The following SEMA6D variants were observed in gnomAD, a reference collection of about 807,000 sequenced individuals.
SEMA6D encodes the protein semaphorin-6D.
Under a neutral mutation model 106.6 loss-of-function variants are expected in SEMA6D, and 35 were observed. The observed-to-expected ratio is 0.33, with a 90% CI of 0.25 to 0.44. The LOEUF is 0.44. SEMA6D is among the 20% of genes least tolerant of loss of function. SEMA6D has a pLI of 1.00. For synonymous variants in SEMA6D, 499 were observed against 487.7 expected, an observed-to-expected ratio of 1.02 and a Z score of -0.31; for missense variants, 1,185 against 1,345.9, an observed-to-expected ratio of 0.88 and a Z score of 1.87.
In SEMA6D at chr15:47,217,817, TACAC is replaced by T. The variant is rs555283032; in HGVS notation, c.-239+33403_-239+33406del. Among the ~76,000 whole-genome samples, 25 of 150,136 alleles carry T rather than the reference TACAC, an allele frequency of 1.7e-4. No individual in the cohort carries two copies. In the South Asian group the frequency reaches 5.1e-3, roughly 30 times the overall value. ...ATGTGTATATGTTTGTATATACACA[TACAC>T]ACAAATACATGCATATACACACACC... On this transcript the variant is annotated intron_variant, in intron 1 of 19. Transcript: ENST00000558014.
intron 1 of SEMA6D, chr15:47,718,631 C>G (rs1376274369): frequency 2.0e-5 from 3 of 152,422 alleles, no homozygotes; most frequent in Admixed American, 6.5e-5. Flanking sequence ...AGCAACTTTC[C>G]GTGCTTTGTT....
chr15:47,315,514 T>G (rs2036632029), intron 1 of SEMA6D, among the ~76,000 whole-genome samples: 1 of 152,254 alleles, frequency 6.6e-6, no homozygotes, highest in African/African-American at 2.4e-5. Context: ...ACAGTAAGTC[T>G]AGAAGTTGGT....
intron 1 of SEMA6D, among the ~76,000 whole-genome samples, chr15:47,352,959 T>A (rs2038384821): frequency 6.6e-6 from 1 of 152,176 alleles, no homozygotes. Flanking sequence ...GACCTTAATA[T>A]CTAACATGTG....
At chr15:47,478,547 C>G (rs2043061574) in intron 3 of SEMA6D, among the ~76,000 whole-genome samples, 1 of 151,960 alleles carries the variant, frequency 6.6e-6, no homozygotes. Context: ...ATGAAGCAAC[C>G]CTGAAGTCTG....
At chr15:47,333,385 G>A (rs2144179154) in intron 1 of SEMA6D, among the ~76,000 whole-genome samples, 1 of 152,256 alleles carries the variant, frequency 6.6e-6, no homozygotes, top group Admixed American at 6.6e-5. Flanking sequence ...CATAAATGAT[G>A]TAAGTTGAGG....
chr15:47,745,245 T>C (rs987839930), intron 1 of SEMA6D, among the ~76,000 whole-genome samples: 1 of 152,200 alleles, frequency 6.6e-6, no homozygotes, highest in African/African-American at 2.4e-5. Flanking sequence ...TTATGGTGCT[T>C]ACCATGTGCC....
intron 1 of SEMA6D, among the ~76,000 whole-genome samples, chr15:47,377,241 G>A (rs1400229300): frequency 1.3e-5 from 2 of 152,166 alleles, no homozygotes; most frequent in Non-Finnish European, 2.9e-5. Flanking sequence ...TAATTTACAT[G>A]GTGATAATAA....
chr15:47,491,799 A>T (rs561442470), intron 3 of SEMA6D, among the ~76,000 whole-genome samples: 2 of 152,178 alleles, frequency 1.3e-5, no homozygotes, highest in African/African-American at 4.8e-5. Flanking sequence ...ATCTCATTCT[A>T]TGTAATTCAT....
intron 4 of SEMA6D, among the ~76,000 whole-genome samples, chr15:47,657,928 G>C (rs1239101387): frequency 6.6e-6 from 1 of 151,156 alleles, no homozygotes; most frequent in Non-Finnish European, 1.5e-5. Flanking sequence ...TTGTAGTAGA[G>C]ACGGGGTTTC....
intron 3 of SEMA6D, among the ~76,000 whole-genome samples, chr15:47,489,351 G>C (rs1415432136): frequency 6.6e-6 from 1 of 152,210 alleles, no homozygotes; most frequent in African/African-American, 2.4e-5. Context: ...AGGCCACCAA[G>C]TTTGTGGTGT....
chr15:47,492,820 G>A (rs1293142643), intron 3 of SEMA6D, among the ~76,000 whole-genome samples: 5 of 152,134 alleles, frequency 3.3e-5, no homozygotes, highest in Non-Finnish European at 7.4e-5. Context: ...TACAATGAAT[G>A]TTAGGAGAAA....
At chr15:47,643,014 C>T (rs1250642970) in intron 4 of SEMA6D, among the ~76,000 whole-genome samples, 1 of 151,256 alleles carries the variant, frequency 6.6e-6, no homozygotes, top group Non-Finnish European at 1.5e-5. Context: ...GAGAGAGAGA[C>T]AGAAATAGGA....
chr15:47,407,035 T>A (rs2040597664), intron 1 of SEMA6D, among the ~76,000 whole-genome samples: 1 of 152,090 alleles, frequency 6.6e-6, no homozygotes, highest in Non-Finnish European at 1.5e-5. Context: ...ATTCACTTTA[T>A]GTAGTTTTTG....
At chr15:47,381,659 G>A (rs1292781059) in intron 1 of SEMA6D, among the ~76,000 whole-genome samples, 1 of 152,162 alleles carries the variant, frequency 6.6e-6, no homozygotes, top group Non-Finnish European at 1.5e-5. Flanking sequence ...GCAGAGGAAA[G>A]ATGAGTAAAA....
chr15:47,587,871 T>C (rs1172093278), intron 3 of SEMA6D, among the ~76,000 whole-genome samples: 1 of 152,080 alleles, frequency 6.6e-6, no homozygotes, highest in Non-Finnish European at 1.5e-5. Context: ...TCCTCCCCTT[T>C]CTCCATTTGC....
chr15:47,565,385 G>T (rs1185850693), intron 3 of SEMA6D, among the ~76,000 whole-genome samples: 2 of 152,210 alleles, frequency 1.3e-5, no homozygotes, highest in Middle Eastern at 3.2e-3. Flanking sequence ...GGGGCCAGCT[G>T]GTTCCAGCAC....
chr15:47,585,221 C>G (rs1596367910), intron 3 of SEMA6D, among the ~76,000 whole-genome samples: 1 of 152,294 alleles, frequency 6.6e-6, no homozygotes, highest in East Asian at 1.9e-4. Context: ...TTAAGTGCAT[C>G]AAAATGGAAA....
At chr15:47,529,339 A>G (rs946775489) in intron 3 of SEMA6D, among the ~76,000 whole-genome samples, 1 of 152,062 alleles carries the variant, frequency 6.6e-6, no homozygotes, top group African/African-American at 2.4e-5. Context: ...AGGCAGGTAC[A>G]CTGGTATAAC....
intron 2 of SEMA6D, among the ~76,000 whole-genome samples, chr15:47,464,843 T>A (rs2042612437): frequency 6.6e-6 from 1 of 152,188 alleles, no homozygotes; most frequent in Non-Finnish European, 1.5e-5. Context: ...TCCCATGGAT[T>A]GCTCCACCCC....
Sources: gnomAD v4.1 joint callset for allele counts (sites outside exome capture counted in the v4.1 genomes callset) on GRCh38, gnomAD v4.1.1 for gene constraint, MANE v1.5 for transcripts, NCBI Gene and HGNC (gene_info 2026-07-23, HGNC 2026-07-21) for gene names.